RNF220: variants seen among roughly 807,000 people sequenced by gnomAD.
The protein encoded by RNF220 is E3 ubiquitin-protein ligase RNF220.
Under a neutral mutation model 67.1 loss-of-function variants are expected in RNF220, and 7 were observed. That is an observed-to-expected ratio of 0.10 (90% confidence interval 0.06 to 0.20). The LOEUF (loss-of-function observed/expected upper bound fraction) is 0.20, where lower values mean the gene tolerates loss of function less well. RNF220 is among the 10% of genes least tolerant of loss of function. The probability of loss-of-function intolerance (pLI) is 1.00; values close to 1 mark genes in which losing one functional copy is unlikely to be tolerated. For synonymous variants in RNF220, 270 were observed against 283.2 expected (o/e 0.95, Z 0.47); for missense variants, 565 against 740.3 (o/e 0.76, Z 2.75).
intron 2 of RNF220, among the ~76,000 whole-genome samples, chr1:44,473,419 A>G (rs1490440562): frequency 1.5e-5 from 2 of 137,760 alleles, no homozygotes; most frequent in African/African-American, 5.6e-5. Flanking sequence ...CCTCTCCACA[A>G]TGCGGTGCCC....
At chr1:44,478,413 T>C (rs1350687467) in intron 2 of RNF220, among the ~76,000 whole-genome samples, 1 of 137,958 alleles carries the variant, frequency 7.2e-6, no homozygotes, top group Non-Finnish European at 1.5e-5. Context: ...CAATAAATTA[T>C]TCCATTCAAA....
chr1:44,594,587 A>G (rs1666344881), intron 2 of RNF220, among the ~76,000 whole-genome samples: 3 of 152,184 alleles, frequency 2.0e-5, no homozygotes, highest in Non-Finnish European at 4.4e-5. Context: ...AGCCTGATCC[A>G]GGCATGTGTC....
intron 2 of RNF220, among the ~76,000 whole-genome samples, chr1:44,593,889 A>C (rs950805579): frequency 1.3e-5 from 2 of 152,104 alleles, no homozygotes; most frequent in African/African-American, 4.8e-5. Context: ...GTTCAAGACC[A>C]GCCTGGCCAA....
chr1:44,437,624 C>G (rs1021818838), intron 2 of RNF220, among the ~76,000 whole-genome samples: 4 of 152,114 alleles, frequency 2.6e-5, no homozygotes, highest in African/African-American at 9.7e-5. Flanking sequence ...CTGTCGATAT[C>G]CAGGGAGAAA....
chr1:44,477,974 A>G (rs1230313167), intron 2 of RNF220, among the ~76,000 whole-genome samples: 2 of 152,036 alleles, frequency 1.3e-5, no homozygotes, highest in Admixed American at 1.3e-4. Flanking sequence ...AGACTCCCCC[A>G]GTTTTTATTT....
At chr1:44,522,802 G>C (rs1195501574) in intron 2 of RNF220, among the ~76,000 whole-genome samples, 2 of 152,228 alleles carry the variant, frequency 1.3e-5, no homozygotes, top group Non-Finnish European at 2.9e-5. Context: ...GATAACCTCT[G>C]AGGCCCTGCC....
At chr1:44,518,250 A>T (rs1659612717) in intron 2 of RNF220, among the ~76,000 whole-genome samples, 1 of 151,814 alleles carries the variant, frequency 6.6e-6, no homozygotes, top group South Asian at 2.1e-4. Flanking sequence ...ACATAACAAG[A>T]CCCCATCTCT....
intron 2 of RNF220, among the ~76,000 whole-genome samples, chr1:44,595,586 C>T (rs546503301): frequency 6.6e-6 from 1 of 152,058 alleles, no homozygotes; most frequent in East Asian, 1.9e-4. Flanking sequence ...GATCACATCC[C>T]CAGCCCTGGC....
chr1:44,548,297 A>G (rs1662340200), intron 2 of RNF220, among the ~76,000 whole-genome samples: 1 of 152,038 alleles, frequency 6.6e-6, no homozygotes, highest in Non-Finnish European at 1.5e-5. Flanking sequence ...TGCTGCTCAC[A>G]TGATCTTCCT....
intron 2 of RNF220, among the ~76,000 whole-genome samples, chr1:44,428,634 A>G (rs1228988007): frequency 6.6e-6 from 1 of 152,070 alleles, no homozygotes; most frequent in Non-Finnish European, 1.5e-5. Flanking sequence ...TTAACGATGG[A>G]TGCTCACAAA....
At chr1:44,585,110 A>C (rs1665601307) in intron 2 of RNF220, among the ~76,000 whole-genome samples, 1 of 152,192 alleles carries the variant, frequency 6.6e-6, no homozygotes, top group Non-Finnish European at 1.5e-5. Flanking sequence ...TCTCCTGACA[A>C]AGATGGTATT....
At chr1:44,523,942 G>A (rs1439224854) in intron 2 of RNF220, among the ~76,000 whole-genome samples, 5 of 152,164 alleles carry the variant, frequency 3.3e-5, no homozygotes, top group Non-Finnish European at 1.5e-5. Context: ...CAGGTCCCTG[G>A]GGAATTAGCT....
intron 2 of RNF220, among the ~76,000 whole-genome samples, chr1:44,560,900 CT>C (rs143231692): frequency 0.26 from 39,697 of 152,072 alleles, 5,987 homozygotes; most frequent in Non-Finnish European, 0.35. Flanking sequence ...CCTGCCAGGC[CT>C]GTACATGCAC....
intron 2 of RNF220, among the ~76,000 whole-genome samples, chr1:44,602,845 T>C (rs2148402514): frequency 6.6e-6 from 1 of 152,176 alleles, no homozygotes; most frequent in Middle Eastern, 3.4e-3. Flanking sequence ...ATTTGCTCAA[T>C]CGTCCCCTGT....
intron 2 of RNF220, among the ~76,000 whole-genome samples, chr1:44,455,544 T>C (rs1031411733): frequency 6.6e-6 from 1 of 152,194 alleles, no homozygotes; most frequent in African/African-American, 2.4e-5. Flanking sequence ...TAATAAATAT[T>C]TGATTAACTG....
At position 44,606,473 on chromosome 1, in the gene RNF220, C is replaced by T. The variant is rs1667281694; in HGVS notation, c.626-7692C>T. The stretch of plus-strand genomic sequence containing the variant: ...ATGAACTGGAGGGTAGATGGTTGTG[C>T]TATGTATAAGATGAGTGGATGGGAT... On this transcript the variant is annotated intron_variant, in intron 2 of 14. Coordinates refer to ENST00000361799, the MANE Select transcript of RNF220 (RefSeq NM_018150.4). The surrounding 1 kb of genome is among the most constrained non-coding windows in gnomAD (Gnocchi z 4.2). Among the ~76,000 whole-genome samples the T allele has an allele frequency of 6.6e-6, 1 of 152,176 alleles. No individual in the cohort carries two copies. The highest frequency in any genetic ancestry group is 6.5e-5 in the Admixed American group (1 of 15,282).
At chr1:44,457,965 A>G (rs1003300076) in intron 2 of RNF220, among the ~76,000 whole-genome samples, 1 of 152,134 alleles carries the variant, frequency 6.6e-6, no homozygotes, top group Non-Finnish European at 1.5e-5. Context: ...TCTTTACAAT[A>G]GAACAAGAAA....
chr1:44,433,983 T>C (rs1650682114), intron 2 of RNF220, among the ~76,000 whole-genome samples: 1 of 151,920 alleles, frequency 6.6e-6, no homozygotes, highest in Non-Finnish European at 1.5e-5. Context: ...TAAAATAAAA[T>C]AAAACATATT....
intron 2 of RNF220, among the ~76,000 whole-genome samples, chr1:44,593,943 G>C (rs886194506): frequency 1.3e-5 from 2 of 151,924 alleles, no homozygotes; most frequent in African/African-American, 2.4e-5. Flanking sequence ...AAATTAGCCG[G>C]GCATGGTGGT....
Sources: allele counts gnomAD v4.1 joint callset (sites outside exome capture counted in the v4.1 genomes callset), GRCh38; gene constraint gnomAD v4.1.1; non-coding constraint Gnocchi (gnomAD v3.1); transcripts MANE v1.5; gene names NCBI Gene and HGNC (gene_info 2026-07-23, HGNC 2026-07-21).